The following ADGRV1 variants were observed in gnomAD, a reference collection of about 807,000 sequenced individuals.
ADGRV1 encodes G-protein coupled receptor 98.
A neutral mutation model predicts 596.2 loss-of-function variants in ADGRV1; 359 were observed. That is an observed-to-expected ratio of 0.60 (90% confidence interval 0.55 to 0.66). The LOEUF is 0.66. ADGRV1 is among the 30% of genes least tolerant of loss of function. ADGRV1 has a pLI of 0.00. For synonymous variants in ADGRV1, 2,681 were observed against 2,679.2 expected, an observed-to-expected ratio of 1.00 and a Z score of -0.02; for missense variants, 7,274 against 7,575.6, an observed-to-expected ratio of 0.96 and a Z score of 1.48.
intron 83 of ADGRV1, among the ~76,000 whole-genome samples, chr5:90,867,654 A>G (rs770206972): frequency 7.2e-5 from 11 of 152,204 alleles, no homozygotes; most frequent in Admixed American, 3.9e-4. Context: ...TCTGGATACT[A>G]TGAATCCTGG....
At chr5:91,032,735 A>G (rs1252387338) in intron 85 of ADGRV1, among the ~76,000 whole-genome samples, 1 of 152,156 alleles carries the variant, frequency 6.6e-6, no homozygotes, top group Non-Finnish European at 1.5e-5. Context: ...ACTTTATATT[A>G]GTGTTTGAAT....
rs1251785955 is a variant in ADGRV1, at chr5:90,706,363, C to G, written c.8699C>G (p.Thr2900Arg). 1 of 1,610,086 alleles carries G rather than the reference C, an allele frequency of 6.2e-7. No individual in the cohort carries two copies. Among genetic ancestry groups the G allele is most frequent in the Admixed American group, 1.7e-5 (1 of 59,634 alleles). Reference protein sequence around the residue: ...IGFLILEEGETAAAINITILE... With the variant: ...IGFLILEEGERAAAINITILE... ...TTTCTGATTTTAGAAGAAGGGGAAA[C>G]AGCAGCAGCCATCAACATTACCATT... Residue 2900 changes from threonine (T) to arginine (R), a missense_variant, in exon 38 of 90, where the codon ACA (threonine) becomes AGA (arginine). By Grantham distance (71) the Thr-to-Arg change is moderately conservative. Transcript: ENST00000405460.
intron 88 of ADGRV1, among the ~76,000 whole-genome samples, chr5:91,152,334 T>C (rs1443863030): frequency 6.6e-6 from 1 of 152,238 alleles, no homozygotes; most frequent in Non-Finnish European, 1.5e-5. Context: ...GGAGGAATGC[T>C]ATGAAAGTAT....
intron 83 of ADGRV1, among the ~76,000 whole-genome samples, chr5:90,916,106 A>G (rs1183651260): frequency 6.6e-6 from 1 of 151,960 alleles, no homozygotes; most frequent in Non-Finnish European, 1.5e-5. Flanking sequence ...GCAAGATGTC[A>G]TTGGCCTCTC....
chr5:90,817,792 TA>T (rs531159159), intron 75 of ADGRV1, among the ~76,000 whole-genome samples: 2,208 of 152,328 alleles, frequency 0.014, 17 homozygotes, highest in Middle Eastern at 0.054. Context: ...TTGGTACCAG[TA>T]CCATGCTGTT....
At chr5:91,076,295 T>C (rs1401200406) in intron 86 of ADGRV1, among the ~76,000 whole-genome samples, 1 of 152,224 alleles carries the variant, frequency 6.6e-6, no homozygotes, top group African/African-American at 2.4e-5. Flanking sequence ...CCCTTCTTTA[T>C]GCCTTTAAAG....
intron 83 of ADGRV1, among the ~76,000 whole-genome samples, chr5:90,903,258 C>T (rs187197108): frequency 1.6e-4 from 25 of 151,992 alleles, no homozygotes; most frequent in Non-Finnish European, 3.2e-4. Context: ...AACATTCTTC[C>T]GGTATTCATT....
intron 1 of ADGRV1, among the ~76,000 whole-genome samples, chr5:90,595,814 C>A (rs556979502): frequency 1.5e-4 from 21 of 141,826 alleles, no homozygotes; most frequent in African/African-American, 5.6e-4. Flanking sequence ...CCCTCCCGGA[C>A]GGGGCAGCTG....
intron 75 of ADGRV1, 87 bp downstream of exon 75, chr5:90,815,823 G>A: frequency 2.6e-6 from 2 of 784,018 alleles, no homozygotes; most frequent in South Asian, 3.4e-5. Context: ...TGGAGGGCAG[G>A]GTAAGATAGA....
intron 1 of ADGRV1, among the ~76,000 whole-genome samples, chr5:90,612,617 G>GA (rs1450747244): frequency 1.3e-5 from 2 of 151,900 alleles, no homozygotes; most frequent in Admixed American, 1.3e-4. Flanking sequence ...ATATTGTAAG[G>GA]ATTAAATGTG....
At chr5:90,804,733 G>A (rs568781735) in intron 71 of ADGRV1, among the ~76,000 whole-genome samples, 19 of 151,966 alleles carry the variant, frequency 1.3e-4, no homozygotes, top group Middle Eastern at 3.4e-3. Context: ...ACATACCCTG[G>A]GAACGTTGCA....
chr5:91,163,908 C>G lies in ADGRV1; in HGVS notation c.*8C>G. The G allele has an allele frequency of 7.7e-7, 1 of 1,307,150 alleles. No individual in the cohort carries two copies. Among genetic ancestry groups the G allele is most frequent in the Non-Finnish European group, 1.1e-6 (1 of 905,746 alleles). 81.0% of individuals were successfully genotyped at this position (1,307,150 alleles called of 1,614,324 possible). ...GCCGACACTCACCTGTAGCACCTCA[C>G]TAACCATTCGACTGAGCACACTTTC... On this transcript the variant is annotated 3_prime_UTR_variant, in exon 90 of 90. Coordinates refer to ENST00000405460, the MANE Select transcript of ADGRV1 (RefSeq NM_032119.4).
chr5:90,720,163 T>A lies in ADGRV1; in HGVS notation c.9563T>A (p.Ile3188Lys). Residue 3188 changes from isoleucine (I) to lysine (K), a missense_variant, in exon 44 of 90, where the codon ATA becomes AAA. Ile to Lys is a moderately radical substitution (Grantham distance 102). This residue lies in a region of ADGRV1 where 3,643 missense variants were observed against 3,809.2 expected (regional missense o/e 0.96). Transcript: ENST00000405460. ...CTAGGGGTGCATGTTCAAACCCTGATAACAGTTTTGCAAAACCAGGCCCCT... is the reference window on the plus strand; with the variant it reads ...CTAGGGGTGCATGTTCAAACCCTGAAAACAGTTTTGCAAAACCAGGCCCCT... ...ARLGVHVQTL[I>K]TVLQNQAPLG... 1.2e-6 allele frequency: 2 copies of A among 1,610,218 alleles called. No homozygotes were observed. The highest frequency in any genetic ancestry group is 1.7e-6 in the Non-Finnish European group (2 of 1,178,280).
chr5:91,031,885 G>C (rs933165329), intron 85 of ADGRV1, among the ~76,000 whole-genome samples: 1 of 152,056 alleles, frequency 6.6e-6, no homozygotes, highest in African/African-American at 2.4e-5. Flanking sequence ...AGATCCCTGC[G>C]CTTGCGGATT....
At chr5:90,695,580 A>G (rs1038928666) in intron 33 of ADGRV1, among the ~76,000 whole-genome samples, 3 of 152,106 alleles carry the variant, frequency 2.0e-5, no homozygotes, top group South Asian at 2.1e-4. Flanking sequence ...TCCTAATTCT[A>G]TATTTTAGAA....
In ADGRV1 at chr5:90,627,878, T is replaced by G. The variant is rs1384974708; in HGVS notation, c.1238+102T>G. The G allele has an allele frequency of 9.2e-6, 6 of 652,954 alleles. No individual in the cohort carries two copies. In the South Asian group the frequency reaches 1.6e-4, roughly 17 times the overall value. 40.4% of individuals were successfully genotyped at this position (652,954 alleles called of 1,614,324 possible). A position where few individuals can be genotyped will look rare whatever the true frequency, so the allele number is the denominator to read the frequency against. On this transcript the variant is annotated intron_variant, in intron 7 of 89. Coordinates refer to ENST00000405460, the MANE Select transcript of ADGRV1 (RefSeq NM_032119.4). ...CAACAATGAACTGTTAGAATATGTG[T>G]CATTTTTTCCCACAAAGTTTCATGA...
chr5:90,994,220 AC>A (rs1164076176), intron 85 of ADGRV1, among the ~76,000 whole-genome samples: 4 of 151,432 alleles, frequency 2.6e-5, no homozygotes, highest in Admixed American at 2.0e-4. Flanking sequence ...CCACCATGAC[AC>A]CCAGCTAATT....
rs546108813 is a variant in ADGRV1 at position 91,132,050 on chromosome 5, A to T, written c.18433-17980A>T. 1.4e-4 allele frequency among the ~76,000 whole-genome samples: 22 copies of T among 152,206 alleles called. No homozygotes were observed. The East Asian group carries it at 4.1e-3, about 28-fold the overall frequency. On this transcript the variant is annotated intron_variant, in intron 87 of 89. Coordinates refer to ENST00000405460, the MANE Select transcript of ADGRV1 (RefSeq NM_032119.4). ...TTTCCTAGCACCATTTATTGAATAG[A>T]TATGCTTCCCCATTGTTTATTTTTG...
intron 83 of ADGRV1, among the ~76,000 whole-genome samples, chr5:90,911,920 A>G (rs1231145628): frequency 6.6e-6 from 1 of 152,106 alleles, no homozygotes; most frequent in Non-Finnish European, 1.5e-5. Context: ...ATAAGGAAAC[A>G]GCTGCTAAGT....
Sources: allele counts gnomAD v4.1 joint callset (sites outside exome capture counted in the v4.1 genomes callset), GRCh38; gene constraint gnomAD v4.1.1; regional missense constraint gnomAD v4.1.1; transcripts MANE v1.5; gene names NCBI Gene and HGNC (gene_info 2026-07-23, HGNC 2026-07-21).